The following ANK1 variants were observed in gnomAD, a reference collection of about 807,000 sequenced individuals.
ANK1 encodes ankyrin-1.
In ANK1, 51 loss-of-function variants were observed where a neutral mutation model predicts 210.4. That is an observed-to-expected ratio of 0.24 (90% confidence interval 0.19 to 0.31). ANK1 has a LOEUF of 0.31. ANK1 is among the 10% of genes least tolerant of loss of function. The pLI, the probability that ANK1 is intolerant of heterozygous loss-of-function variation, is 1.00. For synonymous variants in ANK1, 967 were observed against 1,025.9 expected (o/e 0.94, Z 1.10); for missense variants, 2,051 against 2,504.4 (o/e 0.82, Z 3.86).
intron 18 of ANK1, among the ~76,000 whole-genome samples, chr8:41,705,167 G>A (rs138397550): frequency 6.6e-6 from 1 of 152,280 alleles, no homozygotes; most frequent in African/African-American, 2.4e-5. Flanking sequence ...TGAATTTTGG[G>A]CCGACAGGCC....
Position 41,842,508 on chromosome 8 carries a change from T to A in ANK1, c.126+53847A>T, listed in dbSNP as rs547924857. 2.2e-3 allele frequency among the ~76,000 whole-genome samples: 335 copies of A among 150,938 alleles called. 3 individuals are homozygous for A. Among genetic ancestry groups the A allele is most frequent in the South Asian group, 0.021 (98 of 4,762 alleles). Reference sequence around the variant, plus strand: ...ACTCTATCTCAAAAAAAAAAAAAAATTTTTGGAATGAAGCCCTGGCTCTGC... The same window carrying A: ...ACTCTATCTCAAAAAAAAAAAAAAAATTTTGGAATGAAGCCCTGGCTCTGC... On this transcript the variant is annotated intron_variant, in intron 1 of 42. Transcript: ENST00000265709.
At chr8:41,715,108 C>G (rs747740366) in intron 14 of ANK1, 34 bp from the exon 15 acceptor site, 5 of 1,599,462 alleles carry the variant, frequency 3.1e-6, no homozygotes, top group Non-Finnish European at 4.3e-6. Context: ...ACCTTGGGGC[C>G]CCAGGGCTGT....
At chr8:41,886,413 G>A (rs949560923) in intron 1 of ANK1, among the ~76,000 whole-genome samples, 1 of 152,188 alleles carries the variant, frequency 6.6e-6, no homozygotes, top group African/African-American at 2.4e-5. Context: ...TGAGCAACTT[G>A]CTCAAAGCCA....
intron 1 of ANK1, among the ~76,000 whole-genome samples, chr8:41,880,068 T>G (rs1191443743): frequency 6.6e-6 from 1 of 152,194 alleles, no homozygotes; most frequent in Non-Finnish European, 1.5e-5. Context: ...CCGCTGCCCA[T>G]TTTTTGCATA....
chr8:41,725,746 C>T lies in ANK1; in HGVS notation c.612+15G>A. The T allele has an allele frequency of 6.2e-7, 1 of 1,606,276 alleles. No individual in the cohort carries two copies. The highest frequency in any genetic ancestry group is 8.5e-7 in the Non-Finnish European group (1 of 1,178,324). Reference sequence around the variant, plus strand: ...CGTCCGCGGCCCAAGGCTCCTCCCTCCTCCTCGCCCTCACCTTGGAAAGCA... The same window carrying T: ...CGTCCGCGGCCCAAGGCTCCTCCCTTCTCCTCGCCCTCACCTTGGAAAGCA... On this transcript the variant is annotated intron_variant, in intron 6 of 42. Coordinates refer to ENST00000289734, the MANE Select transcript of ANK1 (RefSeq NM_000037.4).
At chr8:41,774,849 C>T (rs770244786) in intron 1 of ANK1, among the ~76,000 whole-genome samples, 4 of 152,268 alleles carry the variant, frequency 2.6e-5, no homozygotes, top group South Asian at 2.1e-4. Context: ...ACTGGGGAGC[C>T]GAGACTAGAG....
rs911299394 is a variant in ANK1, at chr8:41,704,699, C to T, written c.2098-227G>A. Among the ~76,000 whole-genome samples, 5 of 152,020 alleles carry T rather than the reference C, an allele frequency of 3.3e-5. No homozygotes were observed. Among genetic ancestry groups the T allele is most frequent in the African/African-American group, 7.2e-5 (3 of 41,388 alleles). On this transcript the variant is annotated intron_variant, in intron 18 of 42. Transcript: ENST00000289734. This position sits in a 1 kb window ranked among gnomAD's most constrained non-coding sequence, Gnocchi z 4.1. ...CAACTGGAAAATGGACACTGAACCG[C>T]GAGAAGAGGGCTATGCTGGGGTCGT...
In ANK1 at chr8:41,672,296, T is replaced by G. The variant is rs565772611; in HGVS notation, c.5096+58A>C. 1.3e-5 allele frequency: 21 copies of G among 1,583,110 alleles called. No homozygotes were observed. The East Asian group carries it at 4.2e-4, about 32-fold the overall frequency. On this transcript the variant is annotated intron_variant, in intron 38 of 42. Coordinates refer to ENST00000289734, the MANE Select transcript of ANK1 (RefSeq NM_000037.4). ...CCTCTGTCCTCACTGCCAGGCATAA[T>G]CTTACCCAGGAGCCCAGAAGACAAA...
chr8:41,812,515 G>C (rs1282787400), intron 1 of ANK1, among the ~76,000 whole-genome samples: 1 of 152,182 alleles, frequency 6.6e-6, no homozygotes, highest in African/African-American at 2.4e-5. Context: ...GTTGTCTAGA[G>C]CAGTCCTCTT....
At chr8:41,751,007 G>A (rs1417191146) in intron 2 of ANK1, among the ~76,000 whole-genome samples, 1 of 152,188 alleles carries the variant, frequency 6.6e-6, no homozygotes, top group Non-Finnish European at 1.5e-5. Flanking sequence ...ACGGCCCCCA[G>A]TGGAACATCC....
intron 1 of ANK1, among the ~76,000 whole-genome samples, chr8:41,783,125 T>C (rs910310450): frequency 2.0e-5 from 3 of 152,312 alleles, no homozygotes; most frequent in African/African-American, 7.2e-5. Flanking sequence ...TGCACCTAAT[T>C]AAGTGAATGC....
At chr8:41,729,541 C>T (rs1831570916) in intron 3 of ANK1, among the ~76,000 whole-genome samples, 1 of 152,216 alleles carries the variant, frequency 6.6e-6, no homozygotes, top group African/African-American at 2.4e-5. Flanking sequence ...AAGGCGTGTG[C>T]CACCGTGCCC....
intron 13 of ANK1, among the ~76,000 whole-genome samples, chr8:41,716,431 C>A (rs1224064035): frequency 1.7e-4 from 26 of 152,098 alleles, no homozygotes; most frequent in Admixed American, 1.6e-3. Flanking sequence ...GGAGGCTTCC[C>A]TCGAGGGCCC....
At chr8:41,709,245 G>A (rs1825513837) in intron 16 of ANK1, among the ~76,000 whole-genome samples, 2 of 152,224 alleles carry the variant, frequency 1.3e-5, no homozygotes, top group African/African-American at 4.8e-5. Context: ...GACAGGAAGA[G>A]AATAACAGGA....
intron 16 of ANK1, among the ~76,000 whole-genome samples, chr8:41,712,585 G>A (rs1207471126): frequency 6.6e-6 from 1 of 152,206 alleles, no homozygotes; most frequent in Non-Finnish European, 1.5e-5. Context: ...CCCGCAAAAG[G>A]CTCTTCTTTC....
chr8:41,887,091 T>C lies in ANK1; in HGVS notation c.126+9264A>G, dbSNP rs186298039. Among the ~76,000 whole-genome samples the C allele has an allele frequency of 2.0e-3, 298 of 152,206 alleles. 1 individual carries two copies. Among genetic ancestry groups the C allele is most frequent in the African/African-American group, 2.6e-3 (107 of 41,528 alleles). On this transcript the variant is annotated intron_variant, in intron 1 of 42. Coordinates refer to the ANK1 transcript ENST00000265709. ...CTTACTGAGGGTGTGGCATCAGCTA[T>C]ACATTCCAGATTTCATCTCCAGAAG... is the stretch of plus-strand genomic sequence containing the variant.
intron 1 of ANK1, among the ~76,000 whole-genome samples, chr8:41,822,563 AATTTTTAAAGGGTGAT>A (rs1342464902): frequency 1.3e-5 from 2 of 152,238 alleles, no homozygotes; most frequent in African/African-American, 4.8e-5. Flanking sequence ...ACAAAATAGA[AATTTTTAAAGGGTGAT>A]ATTTTTAAAA....
intron 1 of ANK1, among the ~76,000 whole-genome samples, chr8:41,822,649 G>A (rs1257784101): frequency 6.6e-6 from 1 of 152,150 alleles, no homozygotes; most frequent in Admixed American, 6.5e-5. Context: ...GTACACTGCT[G>A]GGTTCAAGGA....
At chr8:41,695,652 G>A (rs776515545) in intron 26 of ANK1, among the ~76,000 whole-genome samples, 5 of 152,234 alleles carry the variant, frequency 3.3e-5, no homozygotes, top group Non-Finnish European at 4.4e-5. Flanking sequence ...ATCCCTAGAC[G>A]GGTGACCTCA....
Sources: gnomAD v4.1 joint callset for allele counts (sites outside exome capture counted in the v4.1 genomes callset) on GRCh38, gnomAD v4.1.1 for gene constraint, Gnocchi (gnomAD v3.1) non-coding constraint, MANE v1.5 for transcripts, NCBI Gene and HGNC (gene_info 2026-07-23, HGNC 2026-07-21) for gene names.